The following NEK7 variants were observed in gnomAD, a reference collection of about 807,000 sequenced individuals.
NEK7 encodes NIMA related kinase 7.
NEK7 carries 18 observed loss-of-function variants against 44.6 expected under a neutral mutation model. The observed-to-expected ratio is 0.40, with a 90% CI of 0.28 to 0.60. The LOEUF is 0.60. Among genes scored for constraint, NEK7 ranks in the 20% least tolerant of loss-of-function variants. The pLI, the probability that NEK7 is intolerant of heterozygous loss-of-function variation, is 0.38. For missense variants in NEK7, 256 were observed against 366.5 expected (o/e 0.70, Z 2.46); for synonymous variants, 130 against 121.1 (o/e 1.07, Z -0.48).
At chr1:198,306,619 TA>T (rs1655031953) in intron 9 of NEK7, among the ~76,000 whole-genome samples, 2 of 152,204 alleles carry the variant, frequency 1.3e-5, no homozygotes, top group African/African-American at 4.8e-5. Context: ...TTGTATTCAT[TA>T]AAAGAAGAAG....
intron 1 of NEK7, among the ~76,000 whole-genome samples, chr1:198,220,353 A>G (rs577091410): frequency 1.1e-3 from 160 of 152,058 alleles, no homozygotes; most frequent in Non-Finnish European, 2.0e-3. Context: ...CATCTCTCCA[A>G]AAAGCCCTAA....
chr1:198,191,399 G>C (rs966784817), intron 1 of NEK7, among the ~76,000 whole-genome samples: 2 of 151,876 alleles, frequency 1.3e-5, no homozygotes, highest in Admixed American at 6.6e-5. Context: ...GCATCTCCCT[G>C]ATTTGTGATG....
At chr1:198,239,259 A>G (rs1028289010) in intron 2 of NEK7, among the ~76,000 whole-genome samples, 1 of 152,102 alleles carries the variant, frequency 6.6e-6, no homozygotes, top group Non-Finnish European at 1.5e-5. Flanking sequence ...ACATTGCTTT[A>G]TATAACTTCA....
At chr1:198,284,409 A>G (rs1008582904) in intron 7 of NEK7, among the ~76,000 whole-genome samples, 3 of 152,158 alleles carry the variant, frequency 2.0e-5, no homozygotes, top group Admixed American at 6.6e-5. Context: ...TCTCTCTCCT[A>G]GAATTGACTA....
chr1:198,268,024 T>C (rs1653710099), intron 5 of NEK7, among the ~76,000 whole-genome samples: 1 of 152,046 alleles, frequency 6.6e-6, no homozygotes, highest in Non-Finnish European at 1.5e-5. Context: ...CTCCATCGGC[T>C]TATTGAGTCC....
At chr1:198,205,793 C>T (rs1030672083) in intron 1 of NEK7, among the ~76,000 whole-genome samples, 6 of 151,460 alleles carry the variant, frequency 4.0e-5, no homozygotes, top group Middle Eastern at 6.3e-3. Flanking sequence ...AGAGTAAGAG[C>T]GAATAAAAAG....
intron 1 of NEK7, among the ~76,000 whole-genome samples, chr1:198,208,744 T>C (rs1326726511): frequency 6.6e-6 from 1 of 152,192 alleles, no homozygotes; most frequent in East Asian, 1.9e-4. Flanking sequence ...TTGTTTATGA[T>C]GTTTAAGGCT....
chr1:198,255,830 C>A (rs1653243372), intron 3 of NEK7, among the ~76,000 whole-genome samples: 1 of 152,040 alleles, frequency 6.6e-6, no homozygotes, highest in African/African-American at 2.4e-5. Flanking sequence ...GGGAGCAACG[C>A]CTTAAACCTT....
chr1:198,173,207 T>C (rs190514394), intron 1 of NEK7, among the ~76,000 whole-genome samples: 1 of 152,202 alleles, frequency 6.6e-6, no homozygotes, highest in African/African-American at 2.4e-5. Flanking sequence ...AGTGGGAGGA[T>C]TGCTTGAGAC....
chr1:198,249,614 G>T lies in NEK7; in HGVS notation c.58-3426G>T, dbSNP rs555613492. Among the ~76,000 whole-genome samples, 850 of 152,192 alleles carry T rather than the reference G, an allele frequency of 5.6e-3. 7 individuals are homozygous for T. The highest frequency in any genetic ancestry group is 0.019 in the African/African-American group (775 of 41,502). The stretch of plus-strand genomic sequence containing the variant: ...TGAGATGGTATCTCATAGTGGTTTT[G>T]ATTTGCATTTCTCTGATGGCCAGTG... On this transcript the variant is annotated intron_variant, in intron 2 of 9. Coordinates refer to ENST00000367385, the MANE Select transcript of NEK7 (RefSeq NM_133494.3).
At chr1:198,211,938 G>T (rs1036870265) in intron 1 of NEK7, among the ~76,000 whole-genome samples, 2 of 152,220 alleles carry the variant, frequency 1.3e-5, no homozygotes, top group African/African-American at 4.8e-5. Flanking sequence ...ACACACTCCC[G>T]CAGGGGAGCG....
At chr1:198,160,690 T>C (rs772002986) in intron 1 of NEK7, among the ~76,000 whole-genome samples, 1 of 152,144 alleles carries the variant, frequency 6.6e-6, no homozygotes, top group Non-Finnish European at 1.5e-5. Flanking sequence ...TTCTCCCCCC[T>C]CCACCCATTT....
At chr1:198,200,329 A>G (rs1219484626) in intron 1 of NEK7, among the ~76,000 whole-genome samples, 1 of 152,086 alleles carries the variant, frequency 6.6e-6, no homozygotes, top group Non-Finnish European at 1.5e-5. Context: ...TTCTGTATCC[A>G]ATTTCTTGGC....
chr1:198,195,116 TG>T (rs1558050671), intron 1 of NEK7, among the ~76,000 whole-genome samples: 1 of 152,280 alleles, frequency 6.6e-6, no homozygotes, highest in Non-Finnish European at 1.5e-5. Flanking sequence ...GGAGTTTTTT[TG>T]GGGAAGGTTT....
At chr1:198,183,855 A>G (rs1480563306) in intron 1 of NEK7, among the ~76,000 whole-genome samples, 1 of 152,230 alleles carries the variant, frequency 6.6e-6, no homozygotes, top group Non-Finnish European at 1.5e-5. Context: ...GTCTAATGTC[A>G]TTCATAATTC....
intron 9 of NEK7, among the ~76,000 whole-genome samples, chr1:198,301,046 A>G (rs1167470810): frequency 6.6e-6 from 1 of 152,234 alleles, no homozygotes; most frequent in Non-Finnish European, 1.5e-5. Flanking sequence ...TTTGTTCACA[A>G]ACTTATCTCA....
At chr1:198,158,453 A>G (rs992212143) in intron 1 of NEK7, among the ~76,000 whole-genome samples, 2 of 152,214 alleles carry the variant, frequency 1.3e-5, no homozygotes, top group Admixed American at 6.5e-5. Context: ...CCTCCAGGCG[A>G]CAGCAGTATG....
intron 1 of NEK7, among the ~76,000 whole-genome samples, chr1:198,209,037 GTATATATA>G (rs57962708): frequency 0.17 from 24,550 of 145,240 alleles, 2,838 homozygotes; most frequent in African/African-American, 0.29. Flanking sequence ...ATGTGTGTGT[GTATATATA>G]TATATATATA....
chr1:198,298,401 A>G (rs1334149490), intron 9 of NEK7, among the ~76,000 whole-genome samples: 2 of 152,300 alleles, frequency 1.3e-5, no homozygotes, highest in Non-Finnish European at 1.5e-5. Context: ...TTCTTCTGGT[A>G]GTTTTGATAC....
Sources: allele counts gnomAD v4.1 joint callset (sites outside exome capture counted in the v4.1 genomes callset), GRCh38; gene constraint gnomAD v4.1.1; transcripts MANE v1.5; gene names NCBI Gene and HGNC (gene_info 2026-07-23, HGNC 2026-07-21).